HMGCLL1: variants seen among roughly 807,000 people sequenced by gnomAD.
HMGCLL1 encodes the protein 3-hydroxy-3-methylglutaryl-CoA lyase like 1, also known as 3-hydroxymethyl-3-methylglutaryl-CoA lyase, cytoplasmic.
A neutral mutation model predicts 39.1 loss-of-function variants in HMGCLL1; 36 were observed. That is an observed-to-expected ratio of 0.92 (90% CI 0.71 to 1.22). The LOEUF is 1.22. Ranked by LOEUF, HMGCLL1 falls within the 50% of genes most tolerant of loss-of-function variation. HMGCLL1 has a pLI of 0.00. For synonymous variants in HMGCLL1, 149 were observed against 144.0 expected (o/e 1.03, Z -0.25); for missense variants, 451 against 416.5 (o/e 1.08, Z -0.72).
At chr6:55,501,743 T>C (rs1206422361) in intron 5 of HMGCLL1, among the ~76,000 whole-genome samples, 3 of 151,928 alleles carry the variant, frequency 2.0e-5, no homozygotes. Flanking sequence ...TATTATTTTA[T>C]ATAATTTTTA....
chr6:55,620,525 T>G, the HMGCLL1 span, among the ~76,000 whole-genome samples: 2 of 152,122 alleles, frequency 1.3e-5, no homozygotes, highest in Non-Finnish European at 2.9e-5. Context: ...TTTGTACATT[T>G]TTACTTGGAT....
intron 1 of HMGCLL1, among the ~76,000 whole-genome samples, chr6:55,561,919 T>C (rs1425282434): frequency 6.6e-6 from 1 of 152,150 alleles, no homozygotes; most frequent in South Asian, 2.1e-4. Context: ...AACTAAATGA[T>C]GGAAGAAATT....
At chr6:55,525,567 C>G (rs1342366874) in intron 3 of HMGCLL1, among the ~76,000 whole-genome samples, 1 of 151,948 alleles carries the variant, frequency 6.6e-6, no homozygotes, top group Non-Finnish European at 1.5e-5. Context: ...AGAAAACCCA[C>G]TTCCACCAAG....
chr6:55,498,727 C>T (rs1246116421), intron 6 of HMGCLL1, among the ~76,000 whole-genome samples: 2 of 152,046 alleles, frequency 1.3e-5, no homozygotes, highest in Non-Finnish European at 2.9e-5. Flanking sequence ...TGACTATAAC[C>T]TATTGCTGTA....
chr6:55,439,664 G>T, intron 7 of HMGCLL1, 105 bp from the exon 8 acceptor site: 1 of 1,245,652 alleles, frequency 8.0e-7, no homozygotes, highest in Non-Finnish European at 1.1e-6. Context: ...AATCTGAACT[G>T]GTTATTCAAA....
intron 7 of HMGCLL1, among the ~76,000 whole-genome samples, chr6:55,472,120 C>A (rs1765073684): frequency 6.6e-6 from 1 of 151,552 alleles, no homozygotes; most frequent in South Asian, 2.1e-4. Context: ...CATTCTTGAA[C>A]ATATCTTTTG....
intron 6 of HMGCLL1, among the ~76,000 whole-genome samples, chr6:55,498,587 T>G (rs565669489): frequency 6.6e-6 from 1 of 152,242 alleles, no homozygotes; most frequent in African/African-American, 2.4e-5. Flanking sequence ...CAGGTCTACA[T>G]TAATATACTT....
At chr6:55,605,027 TCTG>T in the HMGCLL1 span, among the ~76,000 whole-genome samples, 1 of 152,208 alleles carries the variant, frequency 6.6e-6, no homozygotes, top group African/African-American at 2.4e-5. Flanking sequence ...AACATGGAGA[TCTG>T]CTGTTCAGAT....
the HMGCLL1 span, among the ~76,000 whole-genome samples, chr6:55,656,799 C>A: frequency 6.6e-6 from 1 of 151,842 alleles, no homozygotes; most frequent in Non-Finnish European, 1.5e-5. Context: ...TCAAAGATTG[C>A]TGAGGTTTCT....
intron 7 of HMGCLL1, among the ~76,000 whole-genome samples, chr6:55,491,596 T>C (rs969233479): frequency 1.3e-5 from 2 of 152,218 alleles, no homozygotes; most frequent in African/African-American, 4.8e-5. Context: ...ATCTCATTTG[T>C]TTCCTCATTT....
the HMGCLL1 span, among the ~76,000 whole-genome samples, chr6:55,668,289 G>T: frequency 6.6e-6 from 1 of 151,886 alleles, no homozygotes. Flanking sequence ...CTGTGACAGG[G>T]TTAACAGAAT....
In HMGCLL1 at chr6:55,520,878, C is replaced by CA. The variant is rs34841260; in HGVS notation, c.298-4276dup. ...ATGGCAATATCTGTATATCTCTAGCCAAAAAAAAAAAATAGGCCTACCATG... is the reference window on the plus strand; with the variant it reads ...ATGGCAATATCTGTATATCTCTAGCCAAAAAAAAAAAAATAGGCCTACCATG... On this transcript the variant is annotated intron_variant, in intron 3 of 8. Coordinates refer to ENST00000274901, the MANE Select transcript of HMGCLL1 (RefSeq NM_001042406.2). Among the ~76,000 whole-genome samples, 42 of 147,100 alleles carry CA rather than the reference C, an allele frequency of 2.9e-4. 1 individual carries two copies. The highest frequency in any genetic ancestry group is 4.3e-4 in the African/African-American group (17 of 39,926).
chr6:55,574,382 C>T (rs985056674), intron 1 of HMGCLL1, among the ~76,000 whole-genome samples: 4 of 151,582 alleles, frequency 2.6e-5, no homozygotes, highest in South Asian at 4.2e-4. Flanking sequence ...GAAACAAAAA[C>T]GTAAAAGGCA....
At chr6:55,479,299 T>C (rs1024023806) in intron 7 of HMGCLL1, among the ~76,000 whole-genome samples, 2 of 151,616 alleles carry the variant, frequency 1.3e-5, no homozygotes, top group African/African-American at 4.9e-5. Context: ...TCCTGTTTTC[T>C]TAACCACAAC....
the HMGCLL1 span, among the ~76,000 whole-genome samples, chr6:55,678,458 A>T: frequency 6.6e-6 from 1 of 152,160 alleles, no homozygotes; most frequent in African/African-American, 2.4e-5. Flanking sequence ...GGGCCAACCT[A>T]TGTGTAATGA....
At chr6:55,601,194 GTC>G in the HMGCLL1 span, among the ~76,000 whole-genome samples, 2 of 152,068 alleles carry the variant, frequency 1.3e-5, no homozygotes, top group Admixed American at 6.6e-5. Context: ...GAGACTGCAG[GTC>G]AATTGGATGG....
chr6:55,519,590 C>A (rs1767929643), intron 3 of HMGCLL1, among the ~76,000 whole-genome samples: 1 of 151,938 alleles, frequency 6.6e-6, no homozygotes, highest in Non-Finnish European at 1.5e-5. Context: ...AGAAAATAAG[C>A]AAACTTATTT....
intron 3 of HMGCLL1, among the ~76,000 whole-genome samples, chr6:55,526,702 A>G (rs946640655): frequency 2.6e-5 from 4 of 152,046 alleles, no homozygotes; most frequent in African/African-American, 9.7e-5. Flanking sequence ...GCTGAGTTAC[A>G]TGTTAAACCT....
intron 8 of HMGCLL1, among the ~76,000 whole-genome samples, chr6:55,438,937 C>G (rs1315799314): frequency 6.6e-6 from 1 of 152,002 alleles, no homozygotes; most frequent in Non-Finnish European, 1.5e-5. Context: ...TGCAAAGAGA[C>G]TATTCTTGCC....
Sources: allele counts gnomAD v4.1 joint callset (sites outside exome capture counted in the v4.1 genomes callset), GRCh38; gene constraint gnomAD v4.1.1; transcripts MANE v1.5; gene names NCBI Gene and HGNC (gene_info 2026-07-23, HGNC 2026-07-21).